EXOC2: variants seen among roughly 807,000 people sequenced by gnomAD.
EXOC2 encodes the protein exocyst complex component 2.
Under a neutral mutation model 131.8 loss-of-function variants are expected in EXOC2, and 70 were observed. The ratio of observed to expected loss-of-function variants is 0.53; its 90% CI spans 0.44 to 0.65. The LOEUF (loss-of-function observed/expected upper bound fraction) is 0.65. Among genes scored for constraint, EXOC2 ranks in the 30% least tolerant of loss-of-function variants. EXOC2 has a pLI of 0.00. For synonymous variants in EXOC2, 411 were observed against 398.4 expected (o/e 1.03, Z -0.38); for missense variants, 923 against 1,108.6 (o/e 0.83, Z 2.38).
Position 610,150 on chromosome 6 carries a change from T to C in EXOC2, c.690A>G (p.Gly230=), listed in dbSNP as rs1255954667. ...TCATGGATCCTTCTACTTTTTCCGT[T>C]CCATCTGCTTCTAGTTTTTGATGGA... The part of the protein sequence containing the change: ...SAIHQKLEAD[G]TEKVEGSMTQ... The change falls in exon 7 of 28, where the codon GGA becomes GGG. Residue 230 remains glycine (G), a synonymous_variant. Transcript: ENST00000230449. The C allele has an allele frequency of 1.9e-6, 3 of 1,614,050 alleles. No individual in the cohort carries two copies. Among genetic ancestry groups the C allele is most frequent in the Non-Finnish European group, 2.5e-6 (3 of 1,179,984 alleles).
chr6:548,880 C>A (rs1344771681), intron 22 of EXOC2, among the ~76,000 whole-genome samples: 1 of 152,204 alleles, frequency 6.6e-6, no homozygotes, highest in Non-Finnish European at 1.5e-5. Context: ...GCCTTTCCCT[C>A]CTCATTTTCT....
At chr6:549,347 T>C in intron 21 of EXOC2, 56 bp from the exon 22 acceptor site, 1 of 1,240,718 alleles carries the variant, frequency 8.1e-7, no homozygotes, top group Admixed American at 1.8e-5. Context: ...AGAGAATAGC[T>C]GATTAACACT....
Position 676,924 on chromosome 6 carries a change from C to CGG in EXOC2, c.-44+16094_-44+16095insCC, listed in dbSNP as rs1193447187. On this transcript the variant is annotated intron_variant, in intron 1 of 27. Coordinates refer to ENST00000230449, the MANE Select transcript of EXOC2 (RefSeq NM_018303.6). ...CGGTTCCCCATACTCTTCAACATTA[C>CGG]AGAAAGGACAGGTTCCTCTGAAGAC... Among the ~76,000 whole-genome samples the CGG allele has an allele frequency of 1.6e-4, 17 of 106,952 alleles. 4 individuals carry two copies. Among genetic ancestry groups the CGG allele is most frequent in the East Asian group, 7.1e-4 (2 of 2,802 alleles). 70.2% of individuals were successfully genotyped at this position (106,952 alleles called of 152,430 possible).
At position 501,149 on chromosome 6, in the gene EXOC2, ATATATATCTATATATAT is replaced by A. The variant is rs1764054220; in HGVS notation, c.2381-1466_2381-1450del. 3.4e-4 allele frequency among the ~76,000 whole-genome samples: 17 copies of A among 50,122 alleles called. 1 individual carries two copies. The highest frequency in any genetic ancestry group is 1.2e-3 in the African/African-American group (15 of 13,028). The allele number at this position is 50,122 out of a possible 152,430, so 32.9% of individuals were successfully genotyped here. A position where few individuals can be genotyped will look rare whatever the true frequency, so the allele number is the denominator to read the frequency against. On this transcript the variant is annotated intron_variant, in intron 23 of 27. Transcript: ENST00000230449. ...TATATTATATATATCTATATATATTATATATATCTATATATATTATATATATCTATATATTATATATA... is the reference window on the plus strand; with the variant it reads ...TATATTATATATATCTATATATATTATATATATATCTATATATTATATATA...
chr6:640,055 G>C (rs1283479025), intron 1 of EXOC2, among the ~76,000 whole-genome samples: 1 of 152,222 alleles, frequency 6.6e-6, no homozygotes, highest in Non-Finnish European at 1.5e-5. Context: ...TGGGACCTGA[G>C]AACAGACAAC....
In EXOC2 at chr6:564,128, A is replaced by G; in HGVS notation, c.1694T>C (p.Leu565Pro). 6.2e-7 allele frequency: 1 copy of G among 1,614,098 alleles called. No individual in the cohort carries two copies. The highest frequency in any genetic ancestry group is 1.3e-5 in the African/African-American group (1 of 75,054). ...CTGTAACAGGTCATTAGGAATTTCA[A>G]GGGCAGTCAACGATTCATGAGTAAG... Reference protein sequence around the residue: ...VRLTHESLTALEIPNDLLQTI... With the variant: ...VRLTHESLTAPEIPNDLLQTI... Residue 565 changes from leucine (L) to proline (P), a missense_variant, in exon 16 of 28, where the codon CTT becomes CCT. By Grantham distance (98) the Leu-to-Pro change is moderately conservative. Coordinates refer to ENST00000230449, the MANE Select transcript of EXOC2 (RefSeq NM_018303.6).
At chr6:654,803 C>CAAAAAAAAAAAAAAAAAAAAAAAAAAAAA (rs66637987) in intron 1 of EXOC2, among the ~76,000 whole-genome samples, 1 of 29,562 alleles carries the variant, frequency 3.4e-5, no homozygotes, top group Admixed American at 5.5e-4. Context: ...GACCCTGTCT[C>CAAAAAAAAAAAAAAAAAAAAAAAAAAAAA]AAAAAAAAAA....
chr6:676,831 C>T (rs1466776210), intron 1 of EXOC2, among the ~76,000 whole-genome samples: 7 of 84,842 alleles, frequency 8.3e-5, no homozygotes, highest in African/African-American at 1.5e-4. Context: ...AGGACAGGTT[C>T]CTCTGGTGAC....
chr6:609,076 T>A (rs187106720), intron 7 of EXOC2, among the ~76,000 whole-genome samples: 149 of 152,334 alleles, frequency 9.8e-4, no homozygotes, highest in African/African-American at 3.3e-3. Flanking sequence ...ATTCCTAAAT[T>A]TAGAATGAAA....
At chr6:580,048 G>T (rs5873759) in intron 11 of EXOC2, among the ~76,000 whole-genome samples, 2,236 of 146,830 alleles carry the variant, frequency 0.015, 34 homozygotes, top group African/African-American at 0.029. Context: ...AGTTTTTTTT[G>T]TTTTTTTTTT....
intron 11 of EXOC2, among the ~76,000 whole-genome samples, chr6:582,565 C>G (rs547532306): frequency 3.4e-5 from 5 of 149,098 alleles, no homozygotes; most frequent in Admixed American, 2.0e-4. Flanking sequence ...CCTCCGCAGA[C>G]GCAGGCAGGA....
Position 690,231 on chromosome 6 carries a change from C to T in EXOC2, c.-44+2788G>A, listed in dbSNP as rs1262529512. Among the ~76,000 whole-genome samples the T allele has an allele frequency of 3.9e-5, 6 of 152,134 alleles. No homozygotes were observed. In the South Asian group the frequency reaches 1.2e-3, roughly 32 times the overall value. ...ATGAGCCGAACCCGGTGGCACGCAC[C>T]TATAGTCCCAGCTACTTGGGAGGCT... On this transcript the variant is annotated intron_variant, in intron 1 of 27. Coordinates refer to ENST00000230449, the MANE Select transcript of EXOC2 (RefSeq NM_018303.6).
intron 3 of EXOC2, 129 bp downstream of exon 3, chr6:632,812 T>C (rs757621610): frequency 3.2e-6 from 3 of 942,926 alleles, no homozygotes; most frequent in Non-Finnish European, 4.7e-6. Context: ...CCTGTCAAAA[T>C]AAACATAAAC....
At chr6:624,409 T>C (rs112020579) in intron 4 of EXOC2, among the ~76,000 whole-genome samples, 2 of 152,368 alleles carry the variant, frequency 1.3e-5, no homozygotes, top group African/African-American at 4.8e-5. Context: ...GAGTAGATAA[T>C]GCTTGTGGAA....
intron 11 of EXOC2, among the ~76,000 whole-genome samples, chr6:577,671 C>CA (rs1758657919): frequency 6.6e-6 from 1 of 152,174 alleles, no homozygotes; most frequent in Non-Finnish European, 1.5e-5. Flanking sequence ...GCTGAGTATT[C>CA]AAAGAGCTTC....
intron 16 of EXOC2, 70 bp downstream of exon 16, chr6:563,963 G>C: frequency 6.4e-7 from 1 of 1,563,856 alleles, no homozygotes; most frequent in Non-Finnish European, 8.7e-7. Flanking sequence ...CAAGGATTTG[G>C]ACACTGAAAG....
chr6:626,855 A>C (rs190437301), intron 4 of EXOC2, among the ~76,000 whole-genome samples: 414 of 152,224 alleles, frequency 2.7e-3, no homozygotes, highest in African/African-American at 9.3e-3. Flanking sequence ...GGCCTCTCAA[A>C]GTGCTGGGAT....
intron 6 of EXOC2, among the ~76,000 whole-genome samples, chr6:613,694 C>A (rs1030807262): frequency 6.6e-6 from 1 of 152,082 alleles, no homozygotes; most frequent in African/African-American, 2.4e-5. Flanking sequence ...CAGAAGGAAA[C>A]CGGGAGGAGG....
chr6:591,464 T>C (rs1150833), intron 11 of EXOC2, among the ~76,000 whole-genome samples: 144,735 of 151,980 alleles, frequency 0.95, 69,009 homozygotes, highest in East Asian at 1. Flanking sequence ...ATGCTTTCCT[T>C]CTCTATTTCA....
Sources: allele counts gnomAD v4.1 joint callset (sites outside exome capture counted in the v4.1 genomes callset), GRCh38; gene constraint gnomAD v4.1.1; transcripts MANE v1.5; gene names NCBI Gene and HGNC (gene_info 2026-07-23, HGNC 2026-07-21).